The following TPST1 variants were observed in gnomAD, a reference collection of about 807,000 sequenced individuals.
TPST1 encodes tyrosylprotein sulfotransferase 1.
In TPST1, 20 loss-of-function variants were observed where a neutral mutation model predicts 34.8. The observed-to-expected ratio is 0.57, with a 90% CI of 0.40 to 0.84. The LOEUF (loss-of-function observed/expected upper bound fraction) is 0.84, where lower values mean the gene tolerates loss of function less well. TPST1 is among the 40% of genes least tolerant of loss of function. The pLI is 0.00. For missense variants in TPST1, 353 were observed against 455.5 expected, an observed-to-expected ratio of 0.78 and a Z score of 2.05; for synonymous variants, 152 against 159.4, an observed-to-expected ratio of 0.95 and a Z score of 0.35.
chr7:66,201,381 CAAAA>C (rs138553925), upstream of TPST1, among the ~76,000 whole-genome samples: 5 of 73,512 alleles, frequency 6.8e-5, no homozygotes, highest in African/African-American at 5.1e-5. Flanking sequence ...CCATCTCTAC[CAAAA>C]AAAAAAAAAA....
chr7:66,236,349 CTG>C (rs1313838455), intron 1 of TPST1, among the ~76,000 whole-genome samples: 1 of 151,980 alleles, frequency 6.6e-6, no homozygotes, highest in Non-Finnish European at 1.5e-5. Flanking sequence ...CTTTTTCACT[CTG>C]TCTCTATAAA....
intron 2 of TPST1, among the ~76,000 whole-genome samples, chr7:66,255,144 T>TAAAAA (rs1790358911): frequency 7.8e-5 from 2 of 25,626 alleles, no homozygotes; most frequent in African/African-American, 4.4e-4. Flanking sequence ...AGACAACGTC[T>TAAAAA]CAAAAAAAAA....
chr7:66,296,034 G>C (rs954657563), intron 3 of TPST1, among the ~76,000 whole-genome samples: 1 of 152,136 alleles, frequency 6.6e-6, no homozygotes, highest in Admixed American at 6.5e-5. Flanking sequence ...CAAGATACAT[G>C]TACAATGCTA....
intron 3 of TPST1, among the ~76,000 whole-genome samples, chr7:66,334,251 A>G (rs565084871): frequency 6.6e-6 from 1 of 152,258 alleles, no homozygotes; most frequent in African/African-American, 2.4e-5. Context: ...AGAAAACTAG[A>G]GAAAATAAAG....
intron 3 of TPST1, among the ~76,000 whole-genome samples, chr7:66,313,754 T>A (rs1006399366): frequency 6.6e-5 from 10 of 152,184 alleles, no homozygotes; most frequent in African/African-American, 2.4e-4. Flanking sequence ...AGAAATCCTG[T>A]GTATTCTTTC....
chr7:66,281,228 C>T (rs1406922517), intron 2 of TPST1, among the ~76,000 whole-genome samples: 1 of 152,066 alleles, frequency 6.6e-6, no homozygotes, highest in Non-Finnish European at 1.5e-5. Flanking sequence ...TCTCTGTTTC[C>T]TAGTATTTTT....
At chr7:66,347,291 C>A (rs563793304) in intron 3 of TPST1, among the ~76,000 whole-genome samples, 1 of 152,120 alleles carries the variant, frequency 6.6e-6, no homozygotes, top group African/African-American at 2.4e-5. Context: ...TGGTCTCAAA[C>A]TTCTGGCCTC....
At chr7:66,354,519 T>G (rs1792543075) in intron 4 of TPST1, among the ~76,000 whole-genome samples, 2 of 76,744 alleles carry the variant, frequency 2.6e-5, no homozygotes, top group Admixed American at 1.9e-4. Flanking sequence ...CGAGAGTCTG[T>G]CTCAAAAAAA....
chr7:66,255,420 A>AT (rs1227488349), intron 2 of TPST1, among the ~76,000 whole-genome samples: 1 of 152,224 alleles, frequency 6.6e-6, no homozygotes, highest in African/African-American at 2.4e-5. Flanking sequence ...TTTTATTATT[A>AT]TGCAGAATTC....
chr7:66,346,155 G>A (rs1012793206), intron 3 of TPST1, among the ~76,000 whole-genome samples: 8 of 150,028 alleles, frequency 5.3e-5, no homozygotes, highest in African/African-American at 2.0e-4. Flanking sequence ...GCAGATGACA[G>A]GGTCATTCTT....
chr7:66,253,369 TC>T (rs369537415), intron 2 of TPST1, among the ~76,000 whole-genome samples: 13 of 150,192 alleles, frequency 8.7e-5, no homozygotes, highest in African/African-American at 2.9e-4. Flanking sequence ...GAGATCGCTT[TC>T]TTTTTTTTTT....
intron 2 of TPST1, among the ~76,000 whole-genome samples, chr7:66,259,007 T>A (rs1322716115): frequency 6.6e-6 from 1 of 152,246 alleles, no homozygotes; most frequent in Admixed American, 6.5e-5. Flanking sequence ...AAGATATTAT[T>A]CCACCATCCA....
intron 2 of TPST1, among the ~76,000 whole-genome samples, chr7:66,243,779 T>G (rs1195877838): frequency 6.6e-6 from 1 of 151,732 alleles, no homozygotes; most frequent in Admixed American, 6.6e-5. Flanking sequence ...ATTGAATCCC[T>G]ACTCTCAAAA....
chr7:66,241,964 T>C (rs934970804), intron 2 of TPST1, among the ~76,000 whole-genome samples: 1 of 152,182 alleles, frequency 6.6e-6, no homozygotes, highest in African/African-American at 2.4e-5. Context: ...TCTCTTATTT[T>C]TTACAAAAGG....
chr7:66,214,879 ATATT>A (rs968122407), intron 1 of TPST1, among the ~76,000 whole-genome samples: 3 of 147,606 alleles, frequency 2.0e-5, no homozygotes, highest in East Asian at 1.9e-4. Flanking sequence ...TATGTATTAT[ATATT>A]TATATGTATA....
chr7:66,220,032 G>T (rs1789507844), intron 1 of TPST1, among the ~76,000 whole-genome samples: 1 of 151,992 alleles, frequency 6.6e-6, no homozygotes, highest in Non-Finnish European at 1.5e-5. Flanking sequence ...TGGATTAGAA[G>T]AGCAAGGGTC....
At chr7:66,359,796 G>A in intron 5 of TPST1, 99 bp from the exon 6 acceptor site, 2 of 436,970 alleles carry the variant, frequency 4.6e-6, no homozygotes, top group South Asian at 1.6e-5. Flanking sequence ...CCAACCGCCT[G>A]GCTTGTCTAG....
chr7:66,336,971 GA>G lies in TPST1; in HGVS notation c.1045-15527del, dbSNP rs529659913. Among the ~76,000 whole-genome samples the G allele has an allele frequency of 2.2e-4, 34 of 152,088 alleles. No individual in the cohort carries two copies. The South Asian group carries it at 6.9e-3, about 31-fold the overall frequency. Reference sequence around the variant, plus strand: ...GTATATTTAGAGTGCTGAAGGAAAAGAAAAAAACTGCCAAGCAAGAATACTG... The same window carrying G: ...GTATATTTAGAGTGCTGAAGGAAAAGAAAAAACTGCCAAGCAAGAATACTG... On this transcript the variant is annotated intron_variant, in intron 3 of 5. Transcript: ENST00000304842.
At chr7:66,268,979 C>T (rs554955623) in intron 2 of TPST1, among the ~76,000 whole-genome samples, 7 of 152,012 alleles carry the variant, frequency 4.6e-5, no homozygotes, top group African/African-American at 7.2e-5. Context: ...CCACCACGCC[C>T]GGCCTATAAA....
Sources: gnomAD v4.1 joint callset for allele counts (sites outside exome capture counted in the v4.1 genomes callset) on GRCh38, gnomAD v4.1.1 for gene constraint, MANE v1.5 for transcripts, NCBI Gene and HGNC (gene_info 2026-07-23, HGNC 2026-07-21) for gene names.